The following GRIN1 variants were observed in gnomAD, a reference collection of about 807,000 sequenced individuals.
GRIN1 encodes glutamate ionotropic receptor NMDA type subunit 1.
A neutral mutation model predicts 103.0 loss-of-function variants in GRIN1; 38 were observed. The ratio of observed to expected loss-of-function variants is 0.37; its 90% CI spans 0.28 to 0.48. The LOEUF is 0.48. Among genes scored for constraint, GRIN1 ranks in the 20% least tolerant of loss-of-function variants. The probability of loss-of-function intolerance (pLI) is 0.98; values close to 1 mark genes in which losing one functional copy is unlikely to be tolerated. For missense variants in GRIN1, 577 were observed against 1,288.9 expected (o/e 0.45, Z 8.46); for synonymous variants, 544 against 532.7 (o/e 1.02, Z -0.29).
chr9:137,141,724 G>A (rs1832173360), intron 1 of GRIN1, among the ~76,000 whole-genome samples: 1 of 152,140 alleles, frequency 6.6e-6, no homozygotes, highest in Admixed American at 6.5e-5. Context: ...CCGTGCTCCA[G>A]GCCCCCAGGA....
intron 4 of GRIN1, among the ~76,000 whole-genome samples, chr9:137,153,573 G>A (rs951143654): frequency 1.3e-5 from 2 of 151,658 alleles, no homozygotes; most frequent in African/African-American, 4.9e-5. Context: ...ATACACACGT[G>A]CATCTACACA....
rs759531924 is a variant in GRIN1, at chr9:137,165,253, C to T, written c.2657C>T (p.Thr886Ile). 1 of 1,612,564 alleles carries T rather than the reference C, an allele frequency of 6.2e-7. No homozygotes were observed. The highest frequency in any genetic ancestry group is 8.5e-7 in the Non-Finnish European group (1 of 1,179,532). The change falls in exon 19 of 20, where the codon ACC becomes ATC. Residue 886 changes from threonine to isoleucine, a missense_variant. Around this residue, in one of 9 missense-constraint regions of GRIN1, gnomAD observed 68 missense variants for 113.0 expected, o/e 0.60. Coordinates refer to ENST00000371561, the MANE Select transcript of GRIN1 (RefSeq NM_007327.4). ...KKATFRAITS[T>I]LASSFKRRRS... ...GCCACATTTAGGGCTATCACCTCCA[C>T]CCTGGCTTCCAGCTTCAAGAGGCGT...
intron 19 of GRIN1, among the ~76,000 whole-genome samples, chr9:137,165,713 C>T (rs374551988): frequency 1.2e-4 from 19 of 152,234 alleles, no homozygotes; most frequent in Admixed American, 6.5e-4. Context: ...CCGTTTCTCT[C>T]GCCTCTCCCA....
chr9:137,161,833 G>C (rs1833569186), intron 10 of GRIN1, 91 bp from the exon 11 acceptor site: 1 of 1,323,806 alleles, frequency 7.6e-7, no homozygotes, highest in Admixed American at 2.0e-5. Context: ...GAAGACCCCC[G>C]GAGTGCTCTA....
chr9:137,164,810 G>T (rs1336251252), intron 18 of GRIN1: 4 of 319,020 alleles, frequency 1.3e-5, no homozygotes, highest in Non-Finnish European at 2.4e-5. Context: ...CCCCTTGGGG[G>T]TCAGTGGCCT....
At chr9:137,163,469 C>T (rs1588734797) in intron 16 of GRIN1, 90 bp from the exon 17 acceptor site, 1 of 1,375,144 alleles carries the variant, frequency 7.3e-7, no homozygotes, top group Admixed American at 1.7e-5. Context: ...CGCACCCTAC[C>T]CCGCAGGCCC....
intron 1 of GRIN1, among the ~76,000 whole-genome samples, chr9:137,140,942 T>A (rs1832132214): frequency 6.6e-6 from 1 of 152,038 alleles, no homozygotes; most frequent in Non-Finnish European, 1.5e-5. Flanking sequence ...CAGGACACCA[T>A]GGGATGGGAC....
In GRIN1 at chr9:137,163,012, C is replaced by T. The variant is rs1833640544; in HGVS notation, c.2171+9C>T. On this transcript the variant is annotated intron_variant, in intron 15 of 19. Coordinates refer to ENST00000371561, the MANE Select transcript of GRIN1 (RefSeq NM_007327.4). ...CAGGCCGTGAGAGACAAGTGAGGCGCGGGCGGCCACCCTGGCGGGGCGGGA... is the reference window on the plus strand; with the variant it reads ...CAGGCCGTGAGAGACAAGTGAGGCGTGGGCGGCCACCCTGGCGGGGCGGGA... 1 of 1,522,156 alleles carries T rather than the reference C, an allele frequency of 6.6e-7. No individual in the cohort carries two copies. Among genetic ancestry groups the T allele is most frequent in the Non-Finnish European group, 8.9e-7 (1 of 1,128,350 alleles). 94.3% of individuals were successfully genotyped at this position (1,522,156 alleles called of 1,614,324 possible). A position where few individuals can be genotyped will look rare whatever the true frequency, so the allele number is the denominator to read the frequency against.
rs762305629 is a variant in GRIN1, at chr9:137,168,193, T to A, written c.*666T>A. On this transcript the variant is annotated 3_prime_UTR_variant, in exon 20 of 20. Transcript: ENST00000371561. ...CCCCATCCTTCCCGCAGCACCAGCC[T>A]GAGCCACAGTGGGGCCCATGGCCCC... 1.6e-5 allele frequency: 6 copies of A among 381,078 alleles called. No homozygotes were observed. Among genetic ancestry groups the A allele is most frequent in the Non-Finnish European group, 2.4e-5 (5 of 207,134 alleles). 23.6% of individuals were successfully genotyped at this position (381,078 alleles called of 1,614,324 possible).
chr9:137,167,419 G>A lies in GRIN1; in HGVS notation c.2709G>A (p.Gly903=). The A allele has an allele frequency of 6.4e-7, 1 of 1,559,548 alleles. No individual in the cohort carries two copies. The highest frequency in any genetic ancestry group is 8.7e-7 in the Non-Finnish European group (1 of 1,151,742). The change falls in exon 20 of 20, where the codon GGG becomes GGA. Residue 903 remains glycine (G), a synonymous_variant. Coordinates refer to ENST00000371561, the MANE Select transcript of GRIN1 (RefSeq NM_007327.4). ...RRRSSKDTST[G]GGRGALQNQK... ...TTGGTTCTTATTTATAGAGCACCGG[G>A]GGTGGACGCGGCGCTTTGCAAAACC...
rs1447163496 is a variant in GRIN1 at position 137,160,917 on chromosome 9, C to T, written c.1198-139C>T. ...AGAAGCTCCAGAGAGGGGCAGTGGC[C>T]GGCGGCGCAGGGCGGGGGGTGTGAG... On this transcript the variant is annotated intron_variant, in intron 8 of 19. Coordinates refer to ENST00000371561, the MANE Select transcript of GRIN1 (RefSeq NM_007327.4). The T allele has an allele frequency of 3.7e-6, 4 of 1,086,146 alleles. No individual in the cohort carries two copies. The South Asian group carries it at 4.0e-5, about 11-fold the overall frequency. The allele number at this position is 1,086,146 out of a possible 1,614,324, so 67.3% of individuals were successfully genotyped here. A position where few individuals can be genotyped will look rare whatever the true frequency, so the allele number is the denominator to read the frequency against.
At position 137,161,332 on chromosome 9, in the gene GRIN1, C is replaced by T. The variant is rs1833530361; in HGVS notation, c.1383C>T (p.Asp461=). The change falls in exon 10 of 20, where the codon GAC becomes GAT. Residue 461 remains aspartate, a synonymous_variant. Transcript: ENST00000371561. ...AGTGTTGCTACGGCTTTTGCATCGA[C>T]CTGCTCATCAAGCTGGCACGGACCA... ...VPQCCYGFCI[D]LLIKLARTMN... 1.9e-6 allele frequency: 3 copies of T among 1,612,728 alleles called. No homozygotes were observed. Among genetic ancestry groups the T allele is most frequent in the Admixed American group, 3.3e-5 (2 of 60,020 alleles).
chr9:137,141,319 G>C (rs2131193424), intron 1 of GRIN1, among the ~76,000 whole-genome samples: 1 of 152,282 alleles, frequency 6.6e-6, no homozygotes, highest in South Asian at 2.1e-4. Context: ...GCTGGGGAGA[G>C]AGGGAGGCAT....
At chr9:137,165,958 C>G (rs771710236) in intron 19 of GRIN1, among the ~76,000 whole-genome samples, 1 of 152,216 alleles carries the variant, frequency 6.6e-6, no homozygotes, top group African/African-American at 2.4e-5. Context: ...GAACTGGCCC[C>G]GGCCACAGGG....
chr9:137,145,474 C>G (rs1832465382), intron 2 of GRIN1, among the ~76,000 whole-genome samples: 1 of 133,776 alleles, frequency 7.5e-6, no homozygotes, highest in African/African-American at 3.0e-5. Context: ...AGAAAGTGTC[C>G]CCAGCGGGGT....
chr9:137,150,416 G>A lies in GRIN1; in HGVS notation c.671+1307G>A, dbSNP rs2131239013. 2.8e-5 allele frequency among the ~76,000 whole-genome samples: 4 copies of A among 143,580 alleles called. 1 individual carries two copies. The East Asian group carries it at 8.4e-4, about 30-fold the overall frequency. The allele number at this position is 143,580 out of a possible 152,430, so 94.2% of individuals were successfully genotyped here. The stretch of plus-strand genomic sequence containing the variant: ...CAGAAAAAAGGTCCTCCCAGGGAAA[G>A]CCCCACCCAGGGAAAGCTCCACCCA... On this transcript the variant is annotated intron_variant, in intron 4 of 19. Transcript: ENST00000371561.
In GRIN1 at chr9:137,157,182, G is replaced by A. The variant is rs1372717446; in HGVS notation, c.968+145G>A. Reference sequence around the variant, plus strand: ...GGAGCAGCTCTCAGGACTAGGCGGGGCCGCTCTTAGGGAGCTGGGGGAGCG... The same window carrying A: ...GGAGCAGCTCTCAGGACTAGGCGGGACCGCTCTTAGGGAGCTGGGGGAGCG... On this transcript the variant is annotated intron_variant, in intron 6 of 19. Coordinates refer to ENST00000371561, the MANE Select transcript of GRIN1 (RefSeq NM_007327.4). 8.4e-6 allele frequency: 6 copies of A among 717,120 alleles called. No homozygotes were observed. In the Admixed American group the frequency reaches 1.8e-4, roughly 22 times the overall value. 44.4% of individuals were successfully genotyped at this position (717,120 alleles called of 1,614,324 possible). A position where few individuals can be genotyped will look rare whatever the true frequency, so the allele number is the denominator to read the frequency against.
At position 137,139,424 on chromosome 9, in the gene GRIN1, G is replaced by A. The variant is rs1373320282; in HGVS notation, c.-63G>A. The A allele has an allele frequency of 1.6e-6, 2 of 1,289,448 alleles. No homozygotes were observed. Among genetic ancestry groups the A allele is most frequent in the Non-Finnish European group, 1.0e-6 (1 of 1,001,554 alleles). The allele number at this position is 1,289,448 out of a possible 1,614,324, so 79.9% of individuals were successfully genotyped here. Reference sequence around the variant, plus strand: ...GAGCGCAGGACGGCCCGGAAGCCCCGCGGGGGATGCGCCGAGGGCCCCGCG... The same window carrying A: ...GAGCGCAGGACGGCCCGGAAGCCCCACGGGGGATGCGCCGAGGGCCCCGCG... On this transcript the variant is annotated 5_prime_UTR_variant, in exon 1 of 20. Transcript: ENST00000371561. This position sits in a 1 kb window ranked among gnomAD's most constrained non-coding sequence, Gnocchi z 7.7.
At chr9:137,145,697 T>A in intron 2 of GRIN1, 29 bp from the exon 3 acceptor site, 12 of 1,602,672 alleles carry the variant, frequency 7.5e-6, no homozygotes, top group Non-Finnish European at 1.0e-5. Context: ...CGGGTCCACC[T>A]CAGCCCGCCG....
Sources: gnomAD v4.1 joint callset for allele counts (sites outside exome capture counted in the v4.1 genomes callset) on GRCh38, gnomAD v4.1.1 for gene constraint, gnomAD v4.1.1 regional missense constraint, Gnocchi (gnomAD v3.1) non-coding constraint, MANE v1.5 for transcripts, NCBI Gene and HGNC (gene_info 2026-07-23, HGNC 2026-07-21) for gene names.